The following SYNJ2 variants were observed in gnomAD, a reference collection of about 807,000 sequenced individuals.
SYNJ2 encodes the protein polyphosphatidylinositol phosphatase SYNJ2.
A neutral mutation model predicts 141.3 loss-of-function variants in SYNJ2; 116 were observed. That is an observed-to-expected ratio of 0.82 (90% CI 0.71 to 0.96). The LOEUF (loss-of-function observed/expected upper bound fraction) is 0.96. Among genes scored for constraint, SYNJ2 ranks in the 40% least tolerant of loss-of-function variants. The pLI is 0.00. For synonymous variants in SYNJ2, 745 were observed against 777.7 expected (o/e 0.96, Z 0.70); for missense variants, 1,873 against 1,934.8 (o/e 0.97, Z 0.60).
At position 158,071,800 on chromosome 6, in the gene SYNJ2, C is replaced by T. The variant is rs376701185; in HGVS notation, c.2133+6C>T. ...AGAAACTCTGCTTCCCAATGGTGAG[C>T]GGCGCCGTGGGGACAGCCAGCACCT... On this transcript the variant is annotated splice_donor_region_variant and intron_variant, in intron 15 of 26. Coordinates refer to ENST00000355585, the MANE Select transcript of SYNJ2 (RefSeq NM_003898.4). This position sits in a 1 kb window ranked among gnomAD's most constrained non-coding sequence, Gnocchi z 4.3. 168 of 1,611,652 alleles carry T rather than the reference C, an allele frequency of 1.0e-4. No homozygotes were observed. The highest frequency in any genetic ancestry group is 1.3e-4 in the Non-Finnish European group (155 of 1,179,430).
chr6:158,085,213 G>A (rs1023960563), intron 22 of SYNJ2, among the ~76,000 whole-genome samples: 4 of 152,050 alleles, frequency 2.6e-5, no homozygotes, highest in South Asian at 2.1e-4. Flanking sequence ...TAGAGACGGG[G>A]TCTCACTATG....
chr6:158,029,759 G>A lies in SYNJ2; in HGVS notation c.485+733G>A, dbSNP rs1000324466. Among the ~76,000 whole-genome samples the A allele has an allele frequency of 3.9e-5, 6 of 152,136 alleles. No individual in the cohort carries two copies. The East Asian group carries it at 5.8e-4, about 15-fold the overall frequency. On this transcript the variant is annotated intron_variant, in intron 3 of 26. Coordinates refer to ENST00000355585, the MANE Select transcript of SYNJ2 (RefSeq NM_003898.4). ...CTGATGTTTATAAAGCACTGTGTTCGGGTCACCGTGCTAAGATCTCTCTGC... is the reference window on the plus strand; with the variant it reads ...CTGATGTTTATAAAGCACTGTGTTCAGGTCACCGTGCTAAGATCTCTCTGC...
intron 2 of SYNJ2, among the ~76,000 whole-genome samples, chr6:158,018,692 C>A (rs1327797716): frequency 6.6e-6 from 1 of 152,224 alleles, no homozygotes; most frequent in Non-Finnish European, 1.5e-5. Flanking sequence ...CAAGAGCTAG[C>A]CGTACATTCA....
chr6:158,005,227 G>C (rs1199236734), intron 1 of SYNJ2, among the ~76,000 whole-genome samples: 1 of 151,936 alleles, frequency 6.6e-6, no homozygotes, highest in Non-Finnish European at 1.5e-5. Flanking sequence ...ACAGGTGCCC[G>C]CAACGACGCC....
At chr6:158,092,805 G>A (rs758233576) in intron 25 of SYNJ2, 121 bp from the exon 26 acceptor site, 113 of 964,230 alleles carry the variant, frequency 1.2e-4, no homozygotes, top group Non-Finnish European at 1.7e-4. Context: ...GAATCTAGCT[G>A]ATTACTCCTG....
At chr6:158,037,801 G>A (rs773452992) in intron 4 of SYNJ2, among the ~76,000 whole-genome samples, 11 of 152,220 alleles carry the variant, frequency 7.2e-5, no homozygotes, top group Non-Finnish European at 1.3e-4. Flanking sequence ...TTTTTGGAAG[G>A]GACACAGCTC....
rs933252631 is a variant in SYNJ2, at chr6:158,059,291, C to T, written c.892C>T (p.Gln298Ter). ...MVLLKEQYGQ[Q>*]VVVNLLGSRG... is the part of the protein sequence containing the mutation. ...GCTTCTGAAGGAGCAGTACGGGCAG[C>T]AGGTGGTCGTGAACCTTCTGGGAAG... Residue 298 changes from glutamine (Q) to a stop codon, truncating the protein, a stop_gained, in exon 7 of 27, where the codon CAG becomes TAG. Coordinates refer to ENST00000355585, the MANE Select transcript of SYNJ2 (RefSeq NM_003898.4). LOFTEE classifies it high-confidence loss of function. 2.6e-6 allele frequency: 4 copies of T among 1,550,434 alleles called. No individual in the cohort carries two copies. The highest frequency in any genetic ancestry group is 3.5e-6 in the Non-Finnish European group (4 of 1,146,832).
intron 2 of SYNJ2, chr6:158,026,757 C>A: frequency 1.1e-6 from 1 of 909,098 alleles, no homozygotes; most frequent in Non-Finnish European, 1.3e-6. Flanking sequence ...GCTCTGGCAG[C>A]CACAGGGGCC....
At chr6:158,076,560 G>A (rs920036521) in intron 16 of SYNJ2, 66 bp from the exon 17 acceptor site, 19 of 1,528,302 alleles carry the variant, frequency 1.2e-5, no homozygotes, top group Non-Finnish European at 1.5e-5. Context: ...TTCAGTTTTC[G>A]TTTTTGTATA....
intron 25 of SYNJ2, among the ~76,000 whole-genome samples, chr6:158,091,440 AT>A: frequency 6.6e-6 from 1 of 151,414 alleles, no homozygotes; most frequent in Non-Finnish European, 1.5e-5. Context: ...TTGTTCAGCC[AT>A]TAAAAAAAAA....
intron 18 of SYNJ2, 83 bp from the exon 19 acceptor site, chr6:158,081,026 C>A: frequency 7.7e-7 from 1 of 1,306,904 alleles, no homozygotes; most frequent in South Asian, 1.2e-5. Flanking sequence ...GGACATCTGT[C>A]CCAGGCTAAC....
At chr6:158,095,181 A>G (rs1447113740) in intron 26 of SYNJ2, among the ~76,000 whole-genome samples, 2 of 152,024 alleles carry the variant, frequency 1.3e-5, no homozygotes, top group Non-Finnish European at 2.9e-5. Flanking sequence ...GAGAAAGTAT[A>G]TCCATTAGTC....
intron 2 of SYNJ2, among the ~76,000 whole-genome samples, chr6:158,021,181 A>C (rs2128330459): frequency 6.6e-6 from 1 of 152,310 alleles, no homozygotes; most frequent in South Asian, 2.1e-4. Context: ...CTCTACTCCT[A>C]TCCCAGACTA....
chr6:158,017,476 G>A (rs987311424), intron 2 of SYNJ2, 186 bp downstream of exon 2: 70 of 782,556 alleles, frequency 8.9e-5, no homozygotes, highest in Admixed American at 1.3e-4. Context: ...GTGCAATGGC[G>A]CGATCTCGGC....
At position 158,063,827 on chromosome 6, in the gene SYNJ2, C is replaced by G; in HGVS notation, c.1164C>G (p.Asp388Glu). Residue 388 changes from aspartate to glutamate, a missense_variant, in exon 9 of 27, where the codon GAC (aspartate) becomes GAG (glutamate). Physicochemically the swap from Asp to Glu is conservative, Grantham distance 45 (BLOSUM62 2). Coordinates refer to ENST00000355585, the MANE Select transcript of SYNJ2 (RefSeq NM_003898.4). ...GCACTTTGCGGATGAACTGTCTTGACTGCCTGGACCGAACCAACACTGTGC... is the reference window on the plus strand; with the variant it reads ...GCACTTTGCGGATGAACTGTCTTGAGTGCCTGGACCGAACCAACACTGTGC... ...QKGTLRMNCL[D>E]CLDRTNTVQS... 6.2e-7 allele frequency: 1 copy of G among 1,613,882 alleles called. No individual in the cohort carries two copies. The highest frequency in any genetic ancestry group is 1.1e-5 in the South Asian group (1 of 91,068).
chr6:158,028,442 AC>A, intron 2 of SYNJ2: 1 of 404,666 alleles, frequency 2.5e-6, no homozygotes, highest in South Asian at 2.7e-5. Flanking sequence ...CATCAGAATC[AC>A]CTGGAGGGCT....
At chr6:158,066,795 G>C (rs1258728762) in intron 12 of SYNJ2, 160 bp downstream of exon 12, 3 of 800,168 alleles carry the variant, frequency 3.7e-6, no homozygotes. Flanking sequence ...CAAGAATGCT[G>C]CCTCGCAAGT....
At chr6:158,000,064 C>CTTTTTTTTTTTTTTTTTTT (rs58284240) in intron 1 of SYNJ2, among the ~76,000 whole-genome samples, 2 of 85,598 alleles carry the variant, frequency 2.3e-5, no homozygotes, top group Non-Finnish European at 4.9e-5. Context: ...AGCCAAAAGG[C>CTTTTTTTTTTTTTTTTTTT]TTTTTTTTTT....
intron 4 of SYNJ2, among the ~76,000 whole-genome samples, chr6:158,037,726 C>T (rs1779718093): frequency 6.6e-6 from 1 of 152,176 alleles, no homozygotes; most frequent in South Asian, 2.1e-4. Flanking sequence ...TAACCCATTA[C>T]TTCTGCAAAG....
Sources: gnomAD v4.1 joint callset for allele counts (sites outside exome capture counted in the v4.1 genomes callset) on GRCh38, gnomAD v4.1.1 for gene constraint, Gnocchi (gnomAD v3.1) non-coding constraint, MANE v1.5 for transcripts, NCBI Gene and HGNC (gene_info 2026-07-23, HGNC 2026-07-21) for gene names.